Variants in LCMT1 observed in about 807,000 individuals in gnomAD.
LCMT1 encodes [Phosphatase 2A protein]-leucine-carboxy methyltransferase 1.
Under a neutral mutation model 47.7 loss-of-function variants are expected in LCMT1, and 32 were observed. The observed-to-expected ratio is 0.67, with a 90% CI of 0.51 to 0.90. The LOEUF (loss-of-function observed/expected upper bound fraction) is 0.90. Among genes scored for constraint, LCMT1 ranks in the 40% least tolerant of loss-of-function variants. The pLI, the probability that LCMT1 is intolerant of heterozygous loss-of-function variation, is 0.00. For missense variants in LCMT1, 375 were observed against 415.2 expected, an observed-to-expected ratio of 0.90 and a Z score of 0.84; for synonymous variants, 152 against 149.7, an observed-to-expected ratio of 1.02 and a Z score of -0.11.
chr16:25,112,078 C>T (rs924254108), intron 1 of LCMT1, 82 bp downstream of exon 1: 10 of 924,240 alleles, frequency 1.1e-5, no homozygotes, highest in Middle Eastern at 4.1e-4. Flanking sequence ...GAAGAATACG[C>T]TCAAGGCTGG....
chr16:25,114,254 T>C (rs1389456774), intron 1 of LCMT1, among the ~76,000 whole-genome samples: 1 of 152,198 alleles, frequency 6.6e-6, no homozygotes, highest in Non-Finnish European at 1.5e-5. Flanking sequence ...CTTCTGCGGA[T>C]AAGTAGGATG....
At position 25,138,523 on chromosome 16, in the gene LCMT1, G is replaced by A. The variant is rs574153052; in HGVS notation, c.328-1648G>A. On this transcript the variant is annotated intron_variant, in intron 3 of 10. Coordinates refer to ENST00000399069, the MANE Select transcript of LCMT1 (RefSeq NM_016309.3). ...CAGGGCTGTGTGTGCGCATGTGCGT[G>A]TGTGTGTGTGGTTGTGTGTGTGTGT... is the stretch of plus-strand genomic sequence containing the variant. 8.6e-5 allele frequency among the ~76,000 whole-genome samples: 13 copies of A among 151,522 alleles called. 1 individual carries two copies. The highest frequency in any genetic ancestry group is 2.0e-4 in the Admixed American group (3 of 15,228).
chr16:25,173,385 C>T (rs1221467420), intron 9 of LCMT1, among the ~76,000 whole-genome samples: 1 of 152,160 alleles, frequency 6.6e-6, no homozygotes, highest in East Asian at 1.9e-4. Flanking sequence ...TTGGATGTCT[C>T]CTGGTAGAAT....
At chr16:25,140,129 G>A in intron 3 of LCMT1, 42 bp from the exon 4 acceptor site, 1 of 1,428,478 alleles carries the variant, frequency 7.0e-7, no homozygotes, top group Non-Finnish European at 9.8e-7. Context: ...ATCAGCACAT[G>A]TAAGAGTAAA....
chr16:25,114,892 G>C (rs1959740236), intron 1 of LCMT1, among the ~76,000 whole-genome samples: 1 of 152,124 alleles, frequency 6.6e-6, no homozygotes, highest in South Asian at 2.1e-4. Flanking sequence ...CTGTTGTTCA[G>C]CTCTCCTGAT....
At chr16:25,177,421 T>A (rs1961981563) in intron 10 of LCMT1, among the ~76,000 whole-genome samples, 1 of 152,182 alleles carries the variant, frequency 6.6e-6, no homozygotes, top group African/African-American at 2.4e-5. Context: ...CAACTTTGAT[T>A]TCAAGTGTTT....
intron 3 of LCMT1, among the ~76,000 whole-genome samples, chr16:25,139,810 T>A (rs1960625614): frequency 6.6e-6 from 1 of 152,136 alleles, no homozygotes; most frequent in African/African-American, 2.4e-5. Flanking sequence ...GAGATTACAG[T>A]CGTGAGCCAC....
chr16:25,156,385 G>A (rs558942174), intron 5 of LCMT1, among the ~76,000 whole-genome samples: 13 of 152,328 alleles, frequency 8.5e-5, no homozygotes, highest in Non-Finnish European at 1.5e-4. Flanking sequence ...AGACAGTGTT[G>A]AATGAATACT....
chr16:25,138,023 A>G (rs892779601), intron 3 of LCMT1, among the ~76,000 whole-genome samples: 2 of 152,118 alleles, frequency 1.3e-5, no homozygotes, highest in Non-Finnish European at 2.9e-5. Context: ...TTACCTGCCC[A>G]GTTGCTCCAG....
At chr16:25,138,146 C>T (rs59688652) in intron 3 of LCMT1, among the ~76,000 whole-genome samples, 10,577 of 152,196 alleles carry the variant, frequency 0.069, 455 homozygotes, top group East Asian at 0.14. Flanking sequence ...AAAAGTAGTT[C>T]TGTATTTCTG....
Position 25,132,436 on chromosome 16 carries a change from T to TATA in LCMT1, c.242_244dup (p.Ile81dup). 1.2e-6 allele frequency: 2 copies of TATA among 1,613,836 alleles called. No individual in the cohort carries two copies. Among genetic ancestry groups the TATA allele is most frequent in the Non-Finnish European group, 1.7e-6 (2 of 1,179,846 alleles). On this transcript the variant is annotated inframe_insertion, in exon 3 of 11. Transcript: ENST00000399069. ...CTCGAGTCCATGGTGTCAGTCAGCT[T>TATA]ATAAAGGCATTTCTACGGAAGACAG...
At chr16:25,138,022 C>A (rs1455127203) in intron 3 of LCMT1, among the ~76,000 whole-genome samples, 2 of 152,192 alleles carry the variant, frequency 1.3e-5, no homozygotes, top group Non-Finnish European at 2.9e-5. Flanking sequence ...CTTACCTGCC[C>A]AGTTGCTCCA....
chr16:25,115,782 A>G (rs554354175), intron 1 of LCMT1, among the ~76,000 whole-genome samples: 2 of 152,200 alleles, frequency 1.3e-5, no homozygotes, highest in African/African-American at 2.4e-5. Context: ...GGTTCAAGCA[A>G]TTCTCCCACT....
At chr16:25,116,529 A>T (rs1399178971) in intron 1 of LCMT1, among the ~76,000 whole-genome samples, 1 of 152,010 alleles carries the variant, frequency 6.6e-6, no homozygotes, top group Non-Finnish European at 1.5e-5. Context: ...CCAGCTTCCA[A>T]CAACATTAGG....
At chr16:25,139,535 TATATCAGAAAATAA>T (rs1222123184) in intron 3 of LCMT1, among the ~76,000 whole-genome samples, 1 of 151,648 alleles carries the variant, frequency 6.6e-6, no homozygotes, top group Non-Finnish European at 1.5e-5. Flanking sequence ...AAATGAAAAA[TATATCAGAAAATAA>T]TACCCTTAAT....
chr16:25,152,811 A>G (rs899195627), intron 5 of LCMT1, among the ~76,000 whole-genome samples: 3 of 151,998 alleles, frequency 2.0e-5, no homozygotes, highest in East Asian at 1.9e-4. Flanking sequence ...CTGGCAGTCA[A>G]TTTTCTCCGT....
chr16:25,117,714 G>A (rs910769157), intron 1 of LCMT1, among the ~76,000 whole-genome samples: 18 of 152,198 alleles, frequency 1.2e-4, no homozygotes, highest in Admixed American at 3.3e-4. Context: ...TTAGCTGGGC[G>A]TGGTGGTGTG....
intron 10 of LCMT1, among the ~76,000 whole-genome samples, chr16:25,176,621 G>A (rs1203014605): frequency 4.3e-5 from 5 of 115,128 alleles, no homozygotes; most frequent in Admixed American, 1.2e-4. Flanking sequence ...GAGTGCAGTA[G>A]CATGATCTCG....
intron 7 of LCMT1, among the ~76,000 whole-genome samples, chr16:25,165,942 G>A (rs1219251860): frequency 6.6e-6 from 1 of 152,096 alleles, no homozygotes; most frequent in African/African-American, 2.4e-5. Context: ...GTAAGCATCA[G>A]CTATTTTTTG....
Sources: gnomAD v4.1 joint callset for allele counts (sites outside exome capture counted in the v4.1 genomes callset) on GRCh38, gnomAD v4.1.1 for gene constraint, MANE v1.5 for transcripts, NCBI Gene and HGNC (gene_info 2026-07-23, HGNC 2026-07-21) for gene names.